PSG4: variants seen among roughly 807,000 people sequenced by gnomAD.
PSG4 encodes the protein pregnancy specific beta-1-glycoprotein 4, also known as pregnancy-specific beta-1-glycoprotein 4.
PSG4 carries 61 observed loss-of-function variants against 44.3 expected under a neutral mutation model. The ratio of observed to expected loss-of-function variants is 1.38; its 90% CI spans 1.12 to 1.70. PSG4 has a LOEUF of 1.70. Ranked by LOEUF, PSG4 falls within the 40% of genes most tolerant of loss-of-function variation. PSG4 has a pLI of 0.00. For missense variants in PSG4, 677 were observed against 511.7 expected (o/e 1.32, Z -3.12); for synonymous variants, 248 against 191.3 (o/e 1.30, Z -2.45).
intron 3 of PSG4, 101 bp from the exon 4 acceptor site, chr19:43,195,374 C>T (rs372762721): frequency 4.5e-5 from 68 of 1,517,840 alleles, no homozygotes; most frequent in Middle Eastern, 2.4e-4. Context: ...TCAGCCCACC[C>T]GAGTCCTTGA....
At position 43,195,118 on chromosome 19, in the gene PSG4, G is replaced by C. The variant is rs530827336; in HGVS notation, c.865C>G (p.Pro289Ala). The change falls in exon 4 of 6, where the codon CCC becomes GCC. Residue 289 changes from proline (P) to alanine (A), a missense_variant. Coordinates refer to ENST00000405312, the MANE Select transcript of PSG4 (RefSeq NM_002780.5). ...SLPVSPRVKR[P>A]IENRILILPN... Reference sequence around the variant, plus strand: ...AGAATGAGGATCCTGTTTTCAATGGGTCGCTTTACCCTGGGACTGACAGGG... The same window carrying C: ...AGAATGAGGATCCTGTTTTCAATGGCTCGCTTTACCCTGGGACTGACAGGG... 1.2e-6 allele frequency: 2 copies of C among 1,610,692 alleles called. No individual in the cohort carries two copies. Among genetic ancestry groups the C allele is most frequent in the South Asian group, 2.2e-5 (2 of 90,956 alleles).
rs374110942 is a variant in PSG4 at position 43,198,191 on chromosome 19, G to A, written c.515C>T (p.Ala172Val). 6.3e-5 allele frequency: 100 copies of A among 1,587,550 alleles called. 13 individuals carry two copies. The highest frequency in any genetic ancestry group is 8.1e-5 in the Non-Finnish European group (95 of 1,171,838). ...MEAVILTCDP[A>V]TPAASYQWWM... ...CCACTGGTAGCTTGCGGCTGGAGTC[G>A]CAGGATCACAGGTTAAGATCACAGC... The change falls in exon 3 of 6, where the codon GCG (alanine) becomes GTG (valine). Residue 172 changes from alanine to valine, a missense_variant. Ala to Val is a moderately conservative substitution (Grantham distance 64). Coordinates refer to ENST00000405312, the MANE Select transcript of PSG4 (RefSeq NM_002780.5).
intron 2 of PSG4, among the ~76,000 whole-genome samples, chr19:43,200,417 T>G (rs1287600461): frequency 2.1e-5 from 3 of 144,856 alleles, no homozygotes; most frequent in Admixed American, 1.4e-4. Context: ...AAATATTAAA[T>G]ATGAAGGCGA....
chr19:43,198,359 C>T (rs1967352026), intron 2 of PSG4, 84 bp from the exon 3 acceptor site: 2 of 1,516,764 alleles, frequency 1.3e-6, no homozygotes, highest in Non-Finnish European at 1.8e-6. Flanking sequence ...TTGGCATTTC[C>T]CACCTCTCAG....
chr19:43,204,291 T>C, intron 1 of PSG4, 40 bp from the exon 2 acceptor site: 1 of 1,516,496 alleles, frequency 6.6e-7, no homozygotes, highest in South Asian at 1.3e-5. Context: ...TTGAGACCTA[T>C]GTATTGGGGT....
chr19:43,194,729 T>G, intron 4 of PSG4, 135 bp from the exon 5 acceptor site: 3 of 1,461,054 alleles, frequency 2.1e-6, no homozygotes, highest in Non-Finnish European at 2.8e-6. Flanking sequence ...CTATGTTCAC[T>G]GAGCCGAAGC....
Position 43,205,621 on chromosome 19 carries a change from CCTT to C in PSG4, c.-88_-86del, listed in dbSNP as rs1200028091. The C allele has an allele frequency of 6.6e-6, 9 of 1,354,698 alleles. No homozygotes were observed. The highest frequency in any genetic ancestry group is 6.9e-6 in the Non-Finnish European group (7 of 1,016,018). The allele number at this position is 1,354,698 out of a possible 1,614,324, so 83.9% of individuals were successfully genotyped here. A position where few individuals can be genotyped will look rare whatever the true frequency, so the allele number is the denominator to read the frequency against. On this transcript the variant is annotated 5_prime_UTR_variant, in exon 1 of 6. Transcript: ENST00000405312. Reference sequence around the variant, plus strand: ...TGAGTACGGCTGTCAGCTGTGCTGTCCTTCCTCCTTCTGTGCTGAGCCTCCTCC... The same window carrying C: ...TGAGTACGGCTGTCAGCTGTGCTGTCCCTCCTTCTGTGCTGAGCCTCCTCC...
At chr19:43,194,258 A>C (rs1169964009) in intron 5 of PSG4, 82 bp downstream of exon 5, 10 of 1,606,810 alleles carry the variant, frequency 6.2e-6, no homozygotes, top group African/African-American at 2.7e-5. Flanking sequence ...GCTGGGAATA[A>C]AAATGTTTTC....
Position 43,195,240 on chromosome 19 carries a change from T to A in PSG4, c.743A>T (p.Asn248Ile), listed in dbSNP as rs774130410. 6.2e-7 allele frequency: 1 copy of A among 1,610,226 alleles called. No individual in the cohort carries two copies. Among genetic ancestry groups the A allele is most frequent in the African/African-American group, 1.3e-5 (1 of 74,366 alleles). ...KLSKPYITIN[N>I]LNPRENKDVL... Reference sequence around the variant, plus strand: ...ATCCTTATTCTCTCTGGGGTTTAAGTTGTTGATTGTGATGTAGGGCTTGGA... The same window carrying A: ...ATCCTTATTCTCTCTGGGGTTTAAGATGTTGATTGTGATGTAGGGCTTGGA... Residue 248 changes from asparagine to isoleucine, a missense_variant, in exon 4 of 6, where the codon AAC becomes ATC. Coordinates refer to ENST00000405312, the MANE Select transcript of PSG4 (RefSeq NM_002780.5).
chr19:43,194,356 G>C lies in PSG4; in HGVS notation c.1227C>G (p.Ile409Met), dbSNP rs145716593. 112 of 1,612,232 alleles carry C rather than the reference G, an allele frequency of 6.9e-5. 1 individual carries two copies. Among genetic ancestry groups the C allele is most frequent in the African/African-American group, 3.9e-4 (29 of 74,548 alleles). Residue 409 changes from isoleucine to methionine, a missense_variant, in exon 5 of 6, where the codon ATC (isoleucine) becomes ATG (methionine). Physicochemically the swap from Ile to Met is conservative, Grantham distance 10 (BLOSUM62 1). Transcript: ENST00000405312. ...TCCACTTACCAGAGACTTTGACTGT[G>C]ATGGATTTGGAGCTTTCCTTGCCAG... ...SATGKESSKS[I>M]TVKVSDWILP is the part of the protein sequence containing the mutation.
intron 2 of PSG4, among the ~76,000 whole-genome samples, chr19:43,201,460 T>G (rs1284468747): frequency 6.9e-6 from 1 of 145,212 alleles, no homozygotes; most frequent in African/African-American, 2.6e-5. Context: ...ACATCACTAT[T>G]GTAGAACGCG....
chr19:43,195,828 C>T (rs1316907011), intron 3 of PSG4, among the ~76,000 whole-genome samples: 4 of 149,820 alleles, frequency 2.7e-5, no homozygotes, highest in African/African-American at 9.9e-5. Flanking sequence ...GCCTGGAGGT[C>T]AGTTCAGTCA....
rs1967461737 is a variant in PSG4 at position 43,200,582 on chromosome 19, C to CT, written c.431-2308_431-2307insA. On this transcript the variant is annotated intron_variant, in intron 2 of 5. Transcript: ENST00000405312. The stretch of plus-strand genomic sequence containing the variant: ...AAAGCATTCTTCATTTCTCTAACAG[C>CT]ATTTTTTTTCTGAGACAGAGTCTCG... 2.9e-5 allele frequency among the ~76,000 whole-genome samples: 2 copies of CT among 68,318 alleles called. 1 individual carries two copies. Among genetic ancestry groups the CT allele is most frequent in the Non-Finnish European group, 5.1e-5 (2 of 39,314 alleles). The allele number at this position is 68,318 out of a possible 152,430, so 44.8% of individuals were successfully genotyped here.
chr19:43,197,033 A>G (rs1967279761), intron 3 of PSG4, among the ~76,000 whole-genome samples: 1 of 146,492 alleles, frequency 6.8e-6, no homozygotes, highest in Non-Finnish European at 1.5e-5. Flanking sequence ...TGTAGTTTTC[A>G]GGATATAATC....
At chr19:43,196,036 G>A (rs1204259722) in intron 3 of PSG4, among the ~76,000 whole-genome samples, 1 of 151,388 alleles carries the variant, frequency 6.6e-6, no homozygotes, top group East Asian at 1.9e-4. Flanking sequence ...TCCTTCTGCA[G>A]AGGGCAGGTG....
intron 1 of PSG4, chr19:43,204,523 C>T (rs1483517771): frequency 4.6e-6 from 2 of 430,432 alleles, no homozygotes; most frequent in Middle Eastern, 6.4e-4. Context: ...CGCACGGCCC[C>T]CTCCACACTG....
chr19:43,203,272 G>C (rs905255821), intron 2 of PSG4: 1 of 148,086 alleles, frequency 6.8e-6, no homozygotes, highest in Non-Finnish European at 1.5e-5. Flanking sequence ...TACAAAGCTT[G>C]TCTTTCTATC....
At position 43,205,111 on chromosome 19, in the gene PSG4, CTT is replaced by C. The variant is rs59165427; in HGVS notation, c.64+360_64+361del. On this transcript the variant is annotated intron_variant, in intron 1 of 5. Transcript: ENST00000405312. ...TTCTTTTTTCTTTTTTTCCTTTTTT[CTT>C]TTTTTTTTTTTTGAGACGGAGTCTC... Among the ~76,000 whole-genome samples the C allele has an allele frequency of 1.5e-4, 14 of 90,826 alleles. 2 individuals carry two copies. Among genetic ancestry groups the C allele is most frequent in the African/African-American group, 5.1e-4 (10 of 19,424 alleles). 59.6% of individuals were successfully genotyped at this position (90,826 alleles called of 152,430 possible). A position where few individuals can be genotyped will look rare whatever the true frequency, so the allele number is the denominator to read the frequency against.
At chr19:43,203,662 G>C (rs2122369321) in intron 2 of PSG4, 2 of 792,356 alleles carry the variant, frequency 2.5e-6, no homozygotes, top group African/African-American at 1.9e-5. Context: ...CCATCAGACT[G>C]TCCTTCCTCT....
Sources: allele counts gnomAD v4.1 joint callset (sites outside exome capture counted in the v4.1 genomes callset), GRCh38; gene constraint gnomAD v4.1.1; transcripts MANE v1.5; gene names NCBI Gene and HGNC (gene_info 2026-07-23, HGNC 2026-07-21).